The following DMD variants were observed in gnomAD, a reference collection of about 807,000 sequenced individuals.
DMD encodes mutant dystrophin.
A neutral mutation model predicts 330.1 loss-of-function variants in DMD; 63 were observed. The observed-to-expected ratio is 0.19, with a 90% CI of 0.16 to 0.24. The LOEUF is 0.24. Ranked by LOEUF, DMD falls within the 10% of genes least tolerant of loss-of-function variation. DMD has a pLI of 1.00. For synonymous variants in DMD, 1,223 were observed against 959.8 expected, an observed-to-expected ratio of 1.27 and a Z score of -5.07; for missense variants, 3,344 against 2,684.1, an observed-to-expected ratio of 1.25 and a Z score of -5.43.
chrX:31,216,596 AC>A (rs1170571008), intron 64 of DMD, among the ~76,000 whole-genome samples: 1 of 111,697 alleles, frequency 9.0e-6, no homozygotes, highest in African/African-American at 3.3e-5. Context: ...GCCTCTCGAG[AC>A]CCCCTTGCTG....
rs2093503350 is a variant in DMD, at chrX:33,009,155, TATATATGTATATATATGTGTATATATAC to T, written c.93+10956_93+10983del. Among the ~76,000 whole-genome samples, 5 of 26,987 alleles carry T rather than the reference TATATATGTATATATATGTGTATATATAC, an allele frequency of 1.9e-4. 1 individual carries two copies. Among genetic ancestry groups the T allele is most frequent in the South Asian group, 4.0e-3 (2 of 496 alleles). The allele number at this position is 26,987 out of a possible 115,157, so 23.4% of individuals were successfully genotyped here. A position where few individuals can be genotyped will look rare whatever the true frequency, so the allele number is the denominator to read the frequency against. ...ATGTATATATATGTGTATATATACGTATATATGTATATATATGTGTATATATACGTATATATGTATATATGTGTATATA... is the reference window on the plus strand; with the variant it reads ...ATGTATATATATGTGTATATATACGTGTATATATGTATATATGTGTATATA... On this transcript the variant is annotated intron_variant, in intron 2 of 78. Coordinates refer to ENST00000357033, the MANE Select transcript of DMD (RefSeq NM_004006.3).
At chrX:32,437,940 G>A (rs900395818) in intron 29 of DMD, among the ~76,000 whole-genome samples, 3 of 112,027 alleles carry the variant, frequency 2.7e-5, no homozygotes, top group African/African-American at 6.5e-5. Context: ...ATGAGACAGC[G>A]AGAGAGAAAG....
chrX:32,476,602 A>G (rs2041260283), intron 21 of DMD, among the ~76,000 whole-genome samples: 1 of 112,208 alleles, frequency 8.9e-6, no homozygotes, highest in African/African-American at 3.2e-5. Flanking sequence ...AGTAATTGCT[A>G]TCAAGGTTCA....
intron 44 of DMD, among the ~76,000 whole-genome samples, chrX:32,171,475 T>A (rs191858258): frequency 6.1e-4 from 68 of 111,962 alleles, no homozygotes; most frequent in African/African-American, 2.2e-3. Context: ...GTTGCTAATT[T>A]TTTAATTGAC....
chrX:31,807,640 G>A (rs1390404443), intron 50 of DMD, among the ~76,000 whole-genome samples: 1 of 111,963 alleles, frequency 8.9e-6, no homozygotes, highest in African/African-American at 3.2e-5. Flanking sequence ...AGCTTCAAAG[G>A]TACTACTACT....
chrX:32,668,559 G>A (rs1045858825), intron 9 of DMD, among the ~76,000 whole-genome samples: 16 of 111,991 alleles, frequency 1.4e-4, no homozygotes, highest in African/African-American at 5.2e-4. Flanking sequence ...GGCATCAGGA[G>A]ACAGAGTCCT....
chrX:32,049,264 T>C (rs1426829405), intron 44 of DMD, among the ~76,000 whole-genome samples: 1 of 111,060 alleles, frequency 9.0e-6, no homozygotes, highest in Non-Finnish European at 1.9e-5. Context: ...TTGTAATACG[T>C]CCGTTAAAAA....
chrX:32,086,313 A>T (rs996540150), intron 44 of DMD, among the ~76,000 whole-genome samples: 3 of 112,007 alleles, frequency 2.7e-5, no homozygotes, highest in Admixed American at 9.5e-5. Context: ...TTATAAAATT[A>T]TTTAAAATAG....
At chrX:31,694,026 A>G (rs1391276750) in intron 52 of DMD, among the ~76,000 whole-genome samples, 2 of 111,832 alleles carry the variant, frequency 1.8e-5, no homozygotes, top group Non-Finnish European at 3.8e-5. Flanking sequence ...TTACAAAGCT[A>G]TAATAATCAA....
chrX:32,134,585 T>TA (rs1316402558), intron 44 of DMD, among the ~76,000 whole-genome samples: 5 of 110,768 alleles, frequency 4.5e-5, no homozygotes, highest in Admixed American at 2.9e-4. Flanking sequence ...TTCACAATTC[T>TA]AAAAAAAAGA....
At chrX:33,270,836 C>T (rs989588502) in intron 1 of DMD, among the ~76,000 whole-genome samples, 5 of 111,497 alleles carry the variant, frequency 4.5e-5, no homozygotes, top group Non-Finnish European at 9.4e-5. Context: ...AAGATCACTG[C>T]TTTTTTATGC....
chrX:31,201,233 G>T (rs1408489927), intron 67 of DMD, among the ~76,000 whole-genome samples: 1 of 109,779 alleles, frequency 9.1e-6, no homozygotes, highest in Non-Finnish European at 1.9e-5. Context: ...AAAATGCCAG[G>T]CGTGGCGGTC....
At position 33,049,628 on chromosome X, in the gene DMD, T is replaced by C. The variant is rs1285067305; in HGVS notation, c.32-29428A>G. Reference sequence around the variant, plus strand: ...GCTCTAAATACTAAACTTGCCTAAATTAGGCCACCTCCCTCCAGAGAACAA... The same window carrying C: ...GCTCTAAATACTAAACTTGCCTAAACTAGGCCACCTCCCTCCAGAGAACAA... On this transcript the variant is annotated intron_variant, in intron 1 of 78. Coordinates refer to ENST00000357033, the MANE Select transcript of DMD (RefSeq NM_004006.3). Among the ~76,000 whole-genome samples the C allele has an allele frequency of 2.7e-5, 3 of 111,072 alleles. No homozygotes were observed. In the Admixed American group the frequency reaches 2.9e-4, roughly 11 times the overall value.
intron 22 of DMD, among the ~76,000 whole-genome samples, chrX:32,470,391 T>C (rs2040501080): frequency 8.9e-6 from 1 of 112,052 alleles, no homozygotes; most frequent in Admixed American, 9.5e-5. Context: ...CTTCCCCACA[T>C]TTTTTGAACA....
At chrX:31,444,105 T>C (rs1474848023) in intron 60 of DMD, among the ~76,000 whole-genome samples, 1 of 110,709 alleles carries the variant, frequency 9.0e-6, no homozygotes, top group Non-Finnish European at 1.9e-5. Context: ...GTGTGATCTT[T>C]GTACACCAGC....
In DMD at chrX:32,628,180, C is replaced by A. The variant is rs771819104; in HGVS notation, c.1332-13727G>T. ...TTTTTGTACCCATTAATGATCCCCA[C>A]TGCCCCCGACCCACTAGCATTCCCA... On this transcript the variant is annotated intron_variant, in intron 11 of 78. Transcript: ENST00000357033. Among the ~76,000 whole-genome samples the A allele has an allele frequency of 8.5e-5, 9 of 105,912 alleles. No homozygotes were observed. In the South Asian group the frequency reaches 3.9e-3, roughly 46 times the overall value. The allele number at this position is 105,912 out of a possible 115,157, so 92.0% of individuals were successfully genotyped here. A position where few individuals can be genotyped will look rare whatever the true frequency, so the allele number is the denominator to read the frequency against.
chrX:32,696,647 G>A (rs1220298488), intron 9 of DMD, among the ~76,000 whole-genome samples: 2 of 111,259 alleles, frequency 1.8e-5, no homozygotes, highest in African/African-American at 6.5e-5. Flanking sequence ...AGGCATTGGA[G>A]AAAACCTAGA....
At position 32,812,145 on chromosome X, in the gene DMD, G is replaced by A. The variant is rs745507867; in HGVS notation, c.531-2534C>T. ...AGACACCTTTGAGAATCTGTTGAGA[G>A]CTATGAAACTTCTACTCCTACAAAA... On this transcript the variant is annotated intron_variant, in intron 6 of 78. Coordinates refer to ENST00000357033, the MANE Select transcript of DMD (RefSeq NM_004006.3). Among the ~76,000 whole-genome samples, 3 of 110,983 alleles carry A rather than the reference G, an allele frequency of 2.7e-5. No homozygotes were observed. The South Asian group carries it at 1.1e-3, about 42-fold the overall frequency.
intron 2 of DMD, among the ~76,000 whole-genome samples, chrX:32,916,924 T>C: frequency 8.9e-6 from 1 of 111,875 alleles, no homozygotes; most frequent in Non-Finnish European, 1.9e-5. Context: ...AGATGATGGA[T>C]ATCCCAATTA....
Sources: allele counts gnomAD v4.1 joint callset (sites outside exome capture counted in the v4.1 genomes callset), GRCh38; gene constraint gnomAD v4.1.1; transcripts MANE v1.5; gene names NCBI Gene and HGNC (gene_info 2026-07-23, HGNC 2026-07-21).